The following RNF144A variants were observed in gnomAD, a reference collection of about 807,000 sequenced individuals.
RNF144A encodes the protein E3 ubiquitin-protein ligase RNF144A.
RNF144A carries 11 observed loss-of-function variants against 38.7 expected under a neutral mutation model. That is an observed-to-expected ratio of 0.28 (90% CI 0.18 to 0.47). The LOEUF (loss-of-function observed/expected upper bound fraction) is 0.47, where lower values mean the gene tolerates loss of function less well. Ranked by LOEUF, RNF144A falls within the 20% of genes least tolerant of loss-of-function variation. RNF144A has a pLI of 0.99. For missense variants in RNF144A, 316 were observed against 377.2 expected (o/e 0.84, Z 1.34); for synonymous variants, 149 against 143.9 (o/e 1.04, Z -0.25).
chr2:7,069,793 T>C (rs534262015), downstream of RNF144A, among the ~76,000 whole-genome samples: 9 of 152,286 alleles, frequency 5.9e-5, no homozygotes, highest in Non-Finnish European at 1.0e-4. Context: ...CTCAATAAGG[T>C]GGTAAAGACA....
chr2:7,071,970 G>A (rs1259341608), downstream of RNF144A, among the ~76,000 whole-genome samples: 1 of 152,210 alleles, frequency 6.6e-6, no homozygotes, highest in Admixed American at 6.5e-5. Flanking sequence ...ACAGGCTCCA[G>A]CCCACCCTAA....
At chr2:7,075,848 AG>A in the RNF144A span, among the ~76,000 whole-genome samples, 1 of 152,188 alleles carries the variant, frequency 6.6e-6, no homozygotes, top group Admixed American at 6.5e-5. Flanking sequence ...TCTAAGGGGA[AG>A]GGGGGACATG....
At chr2:7,031,836 G>A (rs1672324436) in intron 8 of RNF144A, among the ~76,000 whole-genome samples, 1 of 152,234 alleles carries the variant, frequency 6.6e-6, no homozygotes, top group South Asian at 2.1e-4. Context: ...GCAGGCCGTA[G>A]GCCTCTGCTG....
At chr2:6,996,513 G>A (rs866953624) in intron 2 of RNF144A, among the ~76,000 whole-genome samples, 1 of 152,150 alleles carries the variant, frequency 6.6e-6, no homozygotes, top group African/African-American at 2.4e-5. Context: ...CTCAGAGCTT[G>A]GCAGGTCGAG....
rs1285010645 is a variant in RNF144A at position 7,039,974 on chromosome 2, C to T, written c.*214C>T. On this transcript the variant is annotated 3_prime_UTR_variant, in exon 9 of 9. Transcript: ENST00000320892. ...GGGGAGGGGAGGCAGGTGTGGGTAG[C>T]GCACATCCCCACAGATCAATCTCTG... 7.3e-6 allele frequency: 10 copies of T among 1,367,762 alleles called. No individual in the cohort carries two copies. Among genetic ancestry groups the T allele is most frequent in the South Asian group, 3.2e-5 (2 of 62,674 alleles). 84.7% of individuals were successfully genotyped at this position (1,367,762 alleles called of 1,614,324 possible). A position where few individuals can be genotyped will look rare whatever the true frequency, so the allele number is the denominator to read the frequency against.
chr2:7,001,112 C>T (rs969788301), intron 3 of RNF144A, among the ~76,000 whole-genome samples: 54 of 151,602 alleles, frequency 3.6e-4, no homozygotes, highest in African/African-American at 1.2e-3. Flanking sequence ...CCAGCCTGGC[C>T]AACATGTTGA....
intron 5 of RNF144A, among the ~76,000 whole-genome samples, chr2:7,016,244 G>A (rs1196552671): frequency 6.6e-6 from 1 of 151,968 alleles, no homozygotes; most frequent in Non-Finnish European, 1.5e-5. Context: ...TTGCTTTGGG[G>A]CAGTTTATAG....
At chr2:6,992,346 T>C (rs771270) in intron 2 of RNF144A, among the ~76,000 whole-genome samples, 129,224 of 152,178 alleles carry the variant, frequency 0.85, 55,891 homozygotes, top group Non-Finnish European at 0.91. Flanking sequence ...GTGATGCTGA[T>C]GCTGGTGTTT....
chr2:7,006,448 T>A (rs560083398), intron 3 of RNF144A, among the ~76,000 whole-genome samples: 1 of 152,108 alleles, frequency 6.6e-6, no homozygotes, highest in East Asian at 1.9e-4. Flanking sequence ...CCAGGACCTG[T>A]GTTTTGGGAA....
At chr2:7,000,870 A>G (rs979757628) in intron 3 of RNF144A, among the ~76,000 whole-genome samples, 1 of 150,648 alleles carries the variant, frequency 6.6e-6, no homozygotes, top group Non-Finnish European at 1.5e-5. Flanking sequence ...TTATATATAT[A>G]TATATAATTT....
intron 5 of RNF144A, among the ~76,000 whole-genome samples, chr2:7,017,651 C>G (rs1671228189): frequency 1.3e-5 from 2 of 152,212 alleles, no homozygotes; most frequent in Non-Finnish European, 2.9e-5. Context: ...GAATACGCCT[C>G]TGGGAGAGAA....
At chr2:6,970,786 A>C (rs985463101) in intron 2 of RNF144A, among the ~76,000 whole-genome samples, 16 of 152,272 alleles carry the variant, frequency 1.1e-4, no homozygotes, top group African/African-American at 3.8e-4. Flanking sequence ...TGCTTTCTGC[A>C]CAAGGCACAG....
rs912684871 is a variant in RNF144A at position 7,043,916 on chromosome 2, G to T, written c.*4156G>T. ...TGTATACGTTATGTATTTGACAAGT[G>T]GTGGTGAAACAAAATCAAAACAGAT... On this transcript the variant is annotated 3_prime_UTR_variant, in exon 9 of 9. Transcript: ENST00000320892. 1 of 985,708 alleles carries T rather than the reference G, an allele frequency of 1.0e-6. No individual in the cohort carries two copies. The highest frequency in any genetic ancestry group is 1.7e-5 in the African/African-American group (1 of 57,204). 61.1% of individuals were successfully genotyped at this position (985,708 alleles called of 1,614,324 possible). A position where few individuals can be genotyped will look rare whatever the true frequency, so the allele number is the denominator to read the frequency against.
chr2:7,026,941 C>A (rs1319938792), intron 7 of RNF144A, among the ~76,000 whole-genome samples: 1 of 152,212 alleles, frequency 6.6e-6, no homozygotes, highest in African/African-American at 2.4e-5. Context: ...AGAAAAATGA[C>A]CCTGTGGCCA....
chr2:7,006,289 T>C (rs1458819667), intron 3 of RNF144A, among the ~76,000 whole-genome samples: 2 of 152,060 alleles, frequency 1.3e-5, no homozygotes, highest in Admixed American at 6.5e-5. Context: ...TAATCAAGAG[T>C]ATGAAAAACT....
At chr2:7,069,471 C>T (rs1043762694), downstream of RNF144A, among the ~76,000 whole-genome samples, 2 of 152,170 alleles carry the variant, frequency 1.3e-5, no homozygotes, top group Non-Finnish European at 2.9e-5. Flanking sequence ...ACCTTCATTT[C>T]CTTCACATTC....
intron 7 of RNF144A, among the ~76,000 whole-genome samples, chr2:7,028,846 C>T (rs1309437548): frequency 9.9e-5 from 15 of 152,178 alleles, no homozygotes; most frequent in African/African-American, 2.7e-4. Context: ...GGCACAGAAG[C>T]GAGGCAGACA....
At chr2:7,027,248 C>T (rs539734836) in intron 7 of RNF144A, among the ~76,000 whole-genome samples, 74 of 152,324 alleles carry the variant, frequency 4.9e-4, no homozygotes, top group African/African-American at 1.7e-3. Flanking sequence ...AGCGCATCTC[C>T]CCTTGAATCC....
chr2:7,014,602 G>T (rs772782507), intron 4 of RNF144A, 44 bp downstream of exon 4: 20 of 1,524,310 alleles, frequency 1.3e-5, no homozygotes, highest in Non-Finnish European at 1.8e-5. Flanking sequence ...GTGCACAGGC[G>T]TGCACTGCTG....
Sources: gnomAD v4.1 joint callset for allele counts (sites outside exome capture counted in the v4.1 genomes callset) on GRCh38, gnomAD v4.1.1 for gene constraint, MANE v1.5 for transcripts, NCBI Gene and HGNC (gene_info 2026-07-23, HGNC 2026-07-21) for gene names.